The following PWWP2A variants were observed in gnomAD, a reference collection of about 807,000 sequenced individuals.
PWWP2A encodes PWWP domain-containing protein 2A.
Under a neutral mutation model 48.5 loss-of-function variants are expected in PWWP2A, and 18 were observed. The ratio of observed to expected loss-of-function variants is 0.37; its 90% CI spans 0.26 to 0.55. The LOEUF is 0.55. Among genes scored for constraint, PWWP2A ranks in the 20% least tolerant of loss-of-function variants. The pLI, the probability that PWWP2A is intolerant of heterozygous loss-of-function variation, is 0.81. For missense variants in PWWP2A, 867 were observed against 976.4 expected, an observed-to-expected ratio of 0.89 and a Z score of 1.49; for synonymous variants, 396 against 387.7, an observed-to-expected ratio of 1.02 and a Z score of -0.25.
In PWWP2A at chr5:160,113,233, C is replaced by T. The variant is rs1757773810; in HGVS notation, c.584+5572G>A. 3.1e-6 allele frequency: 3 copies of T among 982,442 alleles called. No homozygotes were observed. In the South Asian group the frequency reaches 1.4e-4, roughly 46 times the overall value. 60.9% of individuals were successfully genotyped at this position (982,442 alleles called of 1,614,324 possible). A position where few individuals can be genotyped will look rare whatever the true frequency, so the allele number is the denominator to read the frequency against. ...ATAATTTACTATTTAGTACCACTTT[C>T]TTTTCTTTCTTGAGTTATGTATGTC... On this transcript the variant is annotated intron_variant, in intron 1 of 1. Transcript: ENST00000307063.
chr5:160,116,460 AAAATAAAT>A (rs572837260), intron 1 of PWWP2A, among the ~76,000 whole-genome samples: 1 of 152,142 alleles, frequency 6.6e-6, no homozygotes, highest in South Asian at 2.1e-4. Flanking sequence ...CGTCTTGGAA[AAAATAAAT>A]AAATAAATAA....
rs757377128 is a variant in PWWP2A at position 160,093,280 on chromosome 5, T to C, written c.1370A>G (p.His457Arg). 6.2e-7 allele frequency: 1 copy of C among 1,614,010 alleles called. No homozygotes were observed. Among genetic ancestry groups the C allele is most frequent in the East Asian group, 2.2e-5 (1 of 44,888 alleles). The change falls in exon 2 of 2, where the codon CAT becomes CGT. Residue 457 changes from histidine to arginine, a missense_variant. His to Arg is a conservative substitution (Grantham distance 29). Coordinates refer to ENST00000307063, the MANE Select transcript of PWWP2A (RefSeq NM_001130864.2). This position sits in a 1 kb window ranked among gnomAD's most constrained non-coding sequence, Gnocchi z 5.8. ...STSKNAHSKV[H>R]FTRRYQNPSS... ...AGGATTCTGATATCGACGTGTGAAA[T>C]GGACTTTTGAATGTGCATTTTTGGA...
intron 1 of PWWP2A, among the ~76,000 whole-genome samples, chr5:160,110,509 C>A (rs1253097098): frequency 6.6e-6 from 1 of 151,884 alleles, no homozygotes; most frequent in Admixed American, 6.6e-5. Flanking sequence ...GAGTTCAAGA[C>A]CAGCCTGACC....
chr5:160,109,775 AT>A (rs1158015419), intron 1 of PWWP2A, among the ~76,000 whole-genome samples: 127 of 27,806 alleles, frequency 4.6e-3, no homozygotes, highest in African/African-American at 8.2e-3. Context: ...AAAAAAAAAA[AT>A]ATATATATAT....
At chr5:160,102,938 C>T (rs6874989) in intron 1 of PWWP2A, among the ~76,000 whole-genome samples, 5,192 of 152,140 alleles carry the variant, frequency 0.034, 291 homozygotes, top group African/African-American at 0.12. Flanking sequence ...AAATTTTTAT[C>T]GGAAAAATTG....
chr5:160,103,563 T>A (rs899782292), intron 1 of PWWP2A, among the ~76,000 whole-genome samples: 1 of 152,144 alleles, frequency 6.6e-6, no homozygotes, highest in Non-Finnish European at 1.5e-5. Flanking sequence ...TAAATCACCG[T>A]GGATTAGTGA....
intron 1 of PWWP2A, chr5:160,117,768 T>C: frequency 2.1e-6 from 1 of 466,256 alleles, no homozygotes; most frequent in Non-Finnish European, 2.8e-6. Flanking sequence ...TTTCCCCAAA[T>C]GGGAAAGAAG....
At chr5:160,045,501 CA>C in the PWWP2A span, among the ~76,000 whole-genome samples, 1 of 108,616 alleles carries the variant, frequency 9.2e-6, no homozygotes, top group African/African-American at 3.5e-5. Context: ...CACACACACA[CA>C]CACACACACA....
At chr5:160,094,729 T>C (rs910714128) in intron 1 of PWWP2A, among the ~76,000 whole-genome samples, 4 of 152,104 alleles carry the variant, frequency 2.6e-5, no homozygotes, top group Admixed American at 6.6e-5. Context: ...TTAAGAAATA[T>C]ATTTGCATTG....
chr5:160,116,213 C>A (rs903238659), intron 1 of PWWP2A, among the ~76,000 whole-genome samples: 32 of 152,134 alleles, frequency 2.1e-4, no homozygotes, highest in African/African-American at 7.2e-4. Flanking sequence ...AGCCACCACG[C>A]CCAGCTAAGT....
intron 4 of PWWP2A, among the ~76,000 whole-genome samples, chr5:160,066,296 A>ATTTTTTTTTTTTTTTTTTTTTTTTTTT (rs59262456): frequency 4.2e-5 from 4 of 94,784 alleles, no homozygotes; most frequent in African/African-American, 1.6e-4. Flanking sequence ...AGTGGTTCTC[A>ATTTTTTTTTTTTTTTTTTTTTTTTTTT]TTTTTTTTTT....
chr5:160,103,520 A>T (rs1756521891), intron 1 of PWWP2A, among the ~76,000 whole-genome samples: 1 of 152,196 alleles, frequency 6.6e-6, no homozygotes, highest in South Asian at 2.1e-4. Context: ...GTACCAGTCA[A>T]TGCCAAATGA....
Position 160,092,826 on chromosome 5 carries a change from T to A in PWWP2A, c.1824A>T (p.Pro608=). 1 of 1,551,694 alleles carries A rather than the reference T, an allele frequency of 6.4e-7. No individual in the cohort carries two copies. Among genetic ancestry groups the A allele is most frequent in the Non-Finnish European group, 8.7e-7 (1 of 1,146,982 alleles). Reference sequence around the variant, plus strand: ...AGGTGGAAGGTGCATGCATACTGCCTGGAGGAAAATCAAAGCTTTCAGAAG... The same window carrying A: ...AGGTGGAAGGTGCATGCATACTGCCAGGAGGAAAATCAAAGCTTTCAGAAG... ...CSSSESFDFP[P]GSMHAPSTSS... Residue 608 remains proline, a synonymous_variant, in exon 2 of 2, where the codon CCA becomes CCT. Coordinates refer to ENST00000307063, the MANE Select transcript of PWWP2A (RefSeq NM_001130864.2).
At chr5:160,058,579 T>A (rs12520968), downstream of PWWP2A, among the ~76,000 whole-genome samples, 1,759 of 151,938 alleles carry the variant, frequency 0.012, 77 homozygotes, top group East Asian at 0.14. Context: ...CCCGGCTAAT[T>A]TTTTGTATTT....
chr5:160,105,741 C>G (rs71603655), intron 1 of PWWP2A: 9,814 of 453,416 alleles, frequency 0.022, 163 homozygotes, highest in Middle Eastern at 0.055. Context: ...CACCACTGCA[C>G]TCCAGACTGG....
At chr5:160,094,156 T>A (rs755139905) in intron 1 of PWWP2A, 91 bp from the exon 2 acceptor site, 43 of 1,353,224 alleles carry the variant, frequency 3.2e-5, no homozygotes, top group Non-Finnish European at 4.2e-5. Flanking sequence ...TGCTTATTTA[T>A]ATAACCTTTC....
chr5:160,110,111 C>T (rs1757406676), intron 1 of PWWP2A, among the ~76,000 whole-genome samples: 1 of 151,388 alleles, frequency 6.6e-6, no homozygotes, highest in Non-Finnish European at 1.5e-5. Context: ...GCCTCCGCCT[C>T]CCGGATTCCA....
Position 160,118,722 on chromosome 5 carries a change from G to GGCTCGGGGAGAGGGGGCC in PWWP2A, c.584+65_584+82dup, listed in dbSNP as rs1162929830. 8 of 1,280,390 alleles carry GGCTCGGGGAGAGGGGGCC rather than the reference G, an allele frequency of 6.2e-6. No individual in the cohort carries two copies. In the East Asian group the frequency reaches 2.5e-4, roughly 40 times the overall value. 79.3% of individuals were successfully genotyped at this position (1,280,390 alleles called of 1,614,324 possible). A position where few individuals can be genotyped will look rare whatever the true frequency, so the allele number is the denominator to read the frequency against. On this transcript the variant is annotated intron_variant, in intron 1 of 1. Coordinates refer to ENST00000307063, the MANE Select transcript of PWWP2A (RefSeq NM_001130864.2). ...GGGCCCCGGGCAGCGGGGAAGCGAGGGCTCGGGGAGAGGGGGCCGCCCGGG... is the reference window on the plus strand; with the variant it reads ...GGGCCCCGGGCAGCGGGGAAGCGAGGGCTCGGGGAGAGGGGGCCGCTCGGGGAGAGGGGGCCGCCCGGG...
chr5:160,108,571 T>G (rs1757132268), intron 1 of PWWP2A: 1 of 1,287,628 alleles, frequency 7.8e-7, no homozygotes, highest in Non-Finnish European at 1.0e-6. Context: ...CTGTATATTT[T>G]TCCCACCAAA....
Sources: gnomAD v4.1 joint callset for allele counts (sites outside exome capture counted in the v4.1 genomes callset) on GRCh38, gnomAD v4.1.1 for gene constraint, Gnocchi (gnomAD v3.1) non-coding constraint, MANE v1.5 for transcripts, NCBI Gene and HGNC (gene_info 2026-07-23, HGNC 2026-07-21) for gene names.